Variants in PCNX2 observed in about 807,000 individuals in gnomAD.
PCNX2 encodes the protein pecanex 2.
PCNX2 carries 168 observed loss-of-function variants against 223.8 expected under a neutral mutation model. The ratio of observed to expected loss-of-function variants is 0.75; its 90% confidence interval spans 0.66 to 0.85. PCNX2 has a LOEUF of 0.85. Ranked by LOEUF, PCNX2 falls within the 40% of genes least tolerant of loss-of-function variation. PCNX2 has a pLI of 0.00. For synonymous variants in PCNX2, 1,006 were observed against 1,052.6 expected (o/e 0.96, Z 0.86); for missense variants, 2,507 against 2,675.5 (o/e 0.94, Z 1.39).
chr1:233,111,771 G>A (rs1471183029), intron 21 of PCNX2, among the ~76,000 whole-genome samples: 1 of 152,146 alleles, frequency 6.6e-6, no homozygotes, highest in Non-Finnish European at 1.5e-5. Context: ...TTGGCAGCAG[G>A]CACTGGTATT....
intron 1 of PCNX2, among the ~76,000 whole-genome samples, chr1:233,281,972 C>T (rs909013102): frequency 6.6e-6 from 1 of 152,160 alleles, no homozygotes; most frequent in African/African-American, 2.4e-5. Context: ...CCCTTGACTC[C>T]AAACCTCTCT....
At chr1:233,144,413 T>A (rs1677306598) in intron 19 of PCNX2, among the ~76,000 whole-genome samples, 1 of 152,130 alleles carries the variant, frequency 6.6e-6, no homozygotes, top group Admixed American at 6.5e-5. Flanking sequence ...GTAGAATTCA[T>A]AGGTTATCAG....
At chr1:233,210,855 T>C (rs1461116241) in intron 12 of PCNX2, among the ~76,000 whole-genome samples, 1 of 152,164 alleles carries the variant, frequency 6.6e-6, no homozygotes, top group Non-Finnish European at 1.5e-5. Flanking sequence ...GCAAGGCTAT[T>C]GCACAAAAGC....
intron 33 of PCNX2, 72 bp downstream of exon 33, chr1:232,986,020 G>A: frequency 6.7e-7 from 1 of 1,493,952 alleles, no homozygotes; most frequent in Non-Finnish European, 9.1e-7. Context: ...ACGCAAGGCA[G>A]GTGCCACGCT....
At chr1:233,063,092 C>T (rs757714165) in intron 23 of PCNX2, among the ~76,000 whole-genome samples, 7 of 152,014 alleles carry the variant, frequency 4.6e-5, no homozygotes, top group Non-Finnish European at 8.8e-5. Flanking sequence ...TGAAAATTAG[C>T]AGGGTGTGGT....
chr1:233,128,322 GT>G (rs922908817), intron 21 of PCNX2, among the ~76,000 whole-genome samples: 28 of 148,656 alleles, frequency 1.9e-4, no homozygotes, highest in African/African-American at 3.2e-4. Flanking sequence ...TAAAAACAAT[GT>G]TTTTTTTTTG....
chr1:233,254,435 A>G (rs1316681101), intron 5 of PCNX2, among the ~76,000 whole-genome samples: 1 of 152,210 alleles, frequency 6.6e-6, no homozygotes, highest in Non-Finnish European at 1.5e-5. Flanking sequence ...TCATTTGTTC[A>G]CATCTCTTTA....
At chr1:233,236,228 T>C (rs924512237) in intron 9 of PCNX2, among the ~76,000 whole-genome samples, 4 of 151,988 alleles carry the variant, frequency 2.6e-5, no homozygotes, top group African/African-American at 7.2e-5. Context: ...TCTGCAGCTC[T>C]AACTTCATGT....
chr1:233,051,208 CT>C (rs538082584), intron 25 of PCNX2, among the ~76,000 whole-genome samples: 113 of 152,192 alleles, frequency 7.4e-4, no homozygotes, highest in African/African-American at 2.7e-3. Flanking sequence ...GCTGGTGAGG[CT>C]GCAGAGAAAA....
intron 23 of PCNX2, 100 bp downstream of exon 23, chr1:233,089,961 G>A (rs1487463160): frequency 3.2e-6 from 5 of 1,559,952 alleles, no homozygotes; most frequent in African/African-American, 1.4e-5. Context: ...CACAGCAGGG[G>A]GAAGCCTGGA....
chr1:233,023,221 T>C (rs550052217), intron 26 of PCNX2, among the ~76,000 whole-genome samples: 1 of 152,332 alleles, frequency 6.6e-6, no homozygotes, highest in African/African-American at 2.4e-5. Context: ...ACTCTCCTTG[T>C]TGAGGGAGAT....
chr1:233,298,021 A>T (rs1662202294), upstream of PCNX2, among the ~76,000 whole-genome samples: 1 of 152,164 alleles, frequency 6.6e-6, no homozygotes, highest in African/African-American at 2.4e-5. Flanking sequence ...GACTACACTG[A>T]ATTTGAGTTG....
intron 15 of PCNX2, among the ~76,000 whole-genome samples, chr1:233,191,004 G>T (rs1297986234): frequency 6.6e-6 from 1 of 152,174 alleles, no homozygotes; most frequent in East Asian, 1.9e-4. Flanking sequence ...GCCACATTTG[G>T]GGAGGTGAGG....
chr1:233,183,999 A>G (rs1022800446), intron 15 of PCNX2, among the ~76,000 whole-genome samples: 1 of 152,334 alleles, frequency 6.6e-6, no homozygotes, highest in East Asian at 1.9e-4. Flanking sequence ...ATTTCATTTC[A>G]TACTTGACCA....
At chr1:233,245,237 T>C (rs986949370) in intron 8 of PCNX2, among the ~76,000 whole-genome samples, 1 of 152,190 alleles carries the variant, frequency 6.6e-6, no homozygotes, top group Non-Finnish European at 1.5e-5. Context: ...GTATGCAATC[T>C]AGAAAAAGAG....
At chr1:233,237,067 A>C (rs953994530) in intron 8 of PCNX2, 87 bp from the exon 9 acceptor site, 9 of 1,539,068 alleles carry the variant, frequency 5.8e-6, no homozygotes, top group Non-Finnish European at 7.1e-6. Context: ...GACAATAGGA[A>C]TGCCCAAAGC....
At chr1:233,033,236 T>C in intron 25 of PCNX2, 1 of 966,608 alleles carries the variant, frequency 1.0e-6, no homozygotes, top group Non-Finnish European at 1.2e-6. Context: ...GCCAGACTTA[T>C]TTATTCCCAC....
At chr1:233,203,242 A>ATG (rs1195012192) in intron 13 of PCNX2, among the ~76,000 whole-genome samples, 1 of 152,116 alleles carries the variant, frequency 6.6e-6, no homozygotes, top group Non-Finnish European at 1.5e-5. Flanking sequence ...CTTTTGAAAT[A>ATG]TGGTACTAAG....
At chr1:233,252,241 GT>G in intron 7 of PCNX2, 112 bp downstream of exon 7, 2 of 1,269,610 alleles carry the variant, frequency 1.6e-6, no homozygotes, top group Non-Finnish European at 2.1e-6. Flanking sequence ...CAACCACAGG[GT>G]TAAGTCTTCC....
Sources: gnomAD v4.1 joint callset for allele counts (sites outside exome capture counted in the v4.1 genomes callset) on GRCh38, gnomAD v4.1.1 for gene constraint, MANE v1.5 for transcripts, NCBI Gene and HGNC (gene_info 2026-07-23, HGNC 2026-07-21) for gene names.